SMG9: variants seen among roughly 807,000 people sequenced by gnomAD.
The protein encoded by SMG9 is SMG9 nonsense mediated mRNA decay factor, also known as nonsense-mediated mRNA decay factor SMG9.
In SMG9, 55 loss-of-function variants were observed where a neutral mutation model predicts 64.0. The ratio of observed to expected loss-of-function variants is 0.86; its 90% confidence interval spans 0.69 to 1.08. SMG9 has a LOEUF of 1.08. Ranked by LOEUF, SMG9 falls within the 50% of genes least tolerant of loss-of-function variation. The pLI, the probability that SMG9 is intolerant of heterozygous loss-of-function variation, is 0.00. For missense variants in SMG9, 554 were observed against 681.3 expected (o/e 0.81, Z 2.08); for synonymous variants, 244 against 254.8 (o/e 0.96, Z 0.41).
intron 9 of SMG9, among the ~76,000 whole-genome samples, chr19:43,736,761 C>T (rs1038229814): frequency 4.6e-5 from 7 of 152,140 alleles, no homozygotes; most frequent in African/African-American, 1.7e-4. Context: ...CTACAGTATC[C>T]TATTAAGGAG....
At chr19:43,752,800 G>C (rs1969227790) in intron 1 of SMG9, among the ~76,000 whole-genome samples, 2 of 151,520 alleles carry the variant, frequency 1.3e-5, no homozygotes, top group African/African-American at 4.9e-5. Flanking sequence ...CAGCTACTTG[G>C]GAGGCTGAGG....
chr19:43,746,442 T>C (rs1466958044), intron 5 of SMG9, among the ~76,000 whole-genome samples: 1 of 152,176 alleles, frequency 6.6e-6, no homozygotes, highest in South Asian at 2.1e-4. Flanking sequence ...TTTTCCTTAA[T>C]AGCGCTGAAG....
intron 6 of SMG9, among the ~76,000 whole-genome samples, chr19:43,743,112 T>C (rs530841487): frequency 6.6e-6 from 1 of 151,070 alleles, no homozygotes; most frequent in East Asian, 1.9e-4. Flanking sequence ...AGGCAAAACC[T>C]AGACCTGATG....
At chr19:43,740,835 G>A (rs1205152169) in intron 6 of SMG9, among the ~76,000 whole-genome samples, 1 of 152,214 alleles carries the variant, frequency 6.6e-6, no homozygotes, top group South Asian at 2.1e-4. Context: ...CTGGGTGCTG[G>A]GAATATGAGG....
chr19:43,738,847 T>G (rs1968756307), intron 7 of SMG9, among the ~76,000 whole-genome samples: 1 of 152,264 alleles, frequency 6.6e-6, no homozygotes, highest in Admixed American at 6.5e-5. Flanking sequence ...TTCACAGGTC[T>G]CTGACCCAGA....
At position 43,732,968 on chromosome 19, in the gene SMG9, A is replaced by G. The variant is rs1188168190; in HGVS notation, c.1374T>C (p.Pro458=). 1 of 1,613,636 alleles carries G rather than the reference A, an allele frequency of 6.2e-7. No individual in the cohort carries two copies. The highest frequency in any genetic ancestry group is 1.7e-5 in the Admixed American group (1 of 59,928). The part of the protein sequence containing the change: ...PGSSPLFSLL[P]GYRGHPSFQS... ...GGAAACTGGGGTGGCCACGATACCC[A>G]GGCAGCAGGGAGAAGAGTGGGCTGG... Residue 458 remains proline (P), a synonymous_variant, in exon 13 of 14, where the codon CCT becomes CCC. Transcript: ENST00000270066.
rs370940004 is a variant in SMG9, at chr19:43,740,118, G to A, written c.802C>T (p.Leu268=). ...FFITQERIVF[L]DTQPILSPSI... Reference sequence around the variant, plus strand: ...GGCGGGGCTGGCACCTGTGTGTCCAGGAAAACAATCCGTTCTTGGGTAATA... The same window carrying A: ...GGCGGGGCTGGCACCTGTGTGTCCAAGAAAACAATCCGTTCTTGGGTAATA... The change falls in exon 7 of 14, where the codon CTG becomes TTG. Residue 268 remains leucine (L), a synonymous_variant. Coordinates refer to ENST00000270066, the MANE Select transcript of SMG9 (RefSeq NM_019108.4). The A allele has an allele frequency of 1.2e-5, 19 of 1,613,072 alleles. No homozygotes were observed. Among genetic ancestry groups the A allele is most frequent in the Non-Finnish European group, 1.5e-5 (18 of 1,179,176 alleles).
At chr19:43,733,183 G>T (rs1258094633) in intron 12 of SMG9, 141 bp downstream of exon 12, 1 of 1,369,858 alleles carries the variant, frequency 7.3e-7, no homozygotes, top group Non-Finnish European at 1.0e-6. Flanking sequence ...AACAAACCAG[G>T]ATCTTCTCTC....
chr19:43,749,453 T>C (rs2040971558), intron 2 of SMG9, among the ~76,000 whole-genome samples: 3 of 152,170 alleles, frequency 2.0e-5, no homozygotes, highest in Non-Finnish European at 4.4e-5. Context: ...AGGTGCTTGT[T>C]CAAGGATTAA....
chr19:43,732,966 C>T lies in SMG9; in HGVS notation c.1376G>A (p.Gly459Glu). The T allele has an allele frequency of 1.2e-6, 2 of 1,613,606 alleles. No individual in the cohort carries two copies. Among genetic ancestry groups the T allele is most frequent in the South Asian group, 1.1e-5 (1 of 91,064 alleles). ...CTGGAAACTGGGGTGGCCACGATAC[C>T]CAGGCAGCAGGGAGAAGAGTGGGCT... ...GSSPLFSLLP[G>E]YRGHPSFQSL... is the part of the protein sequence containing the mutation. The change falls in exon 13 of 14, where the codon GGG (glycine) becomes GAG (glutamate). Residue 459 changes from glycine (G) to glutamate (E), a missense_variant. Coordinates refer to ENST00000270066, the MANE Select transcript of SMG9 (RefSeq NM_019108.4).
chr19:43,735,298 T>G (rs192856715), intron 9 of SMG9, among the ~76,000 whole-genome samples: 35 of 152,308 alleles, frequency 2.3e-4, no homozygotes, highest in African/African-American at 8.4e-4. Context: ...TTTCCAAGTT[T>G]TGGCAATTAT....
rs1968717356 is a variant in SMG9 at position 43,737,694 on chromosome 19, C to T, written c.910-12G>A. 1.9e-6 allele frequency: 3 copies of T among 1,613,218 alleles called. No homozygotes were observed. The highest frequency in any genetic ancestry group is 1.3e-5 in the African/African-American group (1 of 74,912). On this transcript the variant is annotated splice_polypyrimidine_tract_variant and intron_variant, in intron 8 of 13. Transcript: ENST00000270066. ...GCAATCTGGAGTGACTGAGGGTGGG[C>T]AGGATGGAAGGGAGGTGAGGACCTC...
intron 2 of SMG9, chr19:43,748,562 T>C (rs1969099332): frequency 4.1e-6 from 2 of 481,942 alleles, no homozygotes. Flanking sequence ...GTGCTCACTA[T>C]GTGAGAGCTG....
Position 43,747,843 on chromosome 19 carries a change from G to A in SMG9, c.280C>T (p.Leu94=). Residue 94 remains leucine (L), a synonymous_variant, in exon 4 of 14, where the codon CTG becomes TTG. Coordinates refer to ENST00000270066, the MANE Select transcript of SMG9 (RefSeq NM_019108.4). ...APAAPPAPAP[L]EKPIVLMKPR... is the part of the protein sequence containing the mutation. ...TTCATGAGAACGATGGGCTTCTCCAGAGGGGCTGGAGCAGGCGGGGCAGCA... is the reference window on the plus strand; with the variant it reads ...TTCATGAGAACGATGGGCTTCTCCAAAGGGGCTGGAGCAGGCGGGGCAGCA... 6.2e-7 allele frequency: 1 copy of A among 1,606,936 alleles called. No individual in the cohort carries two copies. Among genetic ancestry groups the A allele is most frequent in the Non-Finnish European group, 8.5e-7 (1 of 1,176,282 alleles).
At chr19:43,753,364 A>C (rs1484541066) in intron 1 of SMG9, among the ~76,000 whole-genome samples, 2 of 152,076 alleles carry the variant, frequency 1.3e-5, no homozygotes, top group African/African-American at 2.4e-5. Flanking sequence ...TTCATGCCTC[A>C]ATTGGGATAC....
At chr19:43,736,413 C>A (rs988857941) in intron 9 of SMG9, among the ~76,000 whole-genome samples, 53 of 151,940 alleles carry the variant, frequency 3.5e-4, no homozygotes, top group Admixed American at 2.2e-3. Context: ...GCTGTTCCCC[C>A]CAACACCTCC....
chr19:43,731,586 C>T lies in SMG9; in HGVS notation c.*10G>A. On this transcript the variant is annotated 3_prime_UTR_variant, in exon 14 of 14. Coordinates refer to ENST00000270066, the MANE Select transcript of SMG9 (RefSeq NM_019108.4). Reference sequence around the variant, plus strand: ...AGGAGGTCCCCTGCATGACATTCCTCTCCTTGGCCTCAGGCCAGCAGGCGG... The same window carrying T: ...AGGAGGTCCCCTGCATGACATTCCTTTCCTTGGCCTCAGGCCAGCAGGCGG... 6.2e-7 allele frequency: 1 copy of T among 1,614,216 alleles called. No homozygotes were observed. The highest frequency in any genetic ancestry group is 8.5e-7 in the Non-Finnish European group (1 of 1,180,042).
In SMG9 at chr19:43,750,589, C is replaced by T. The variant is rs201312826; in HGVS notation, c.150+3G>A. On this transcript the variant is annotated splice_donor_region_variant and intron_variant, in intron 2 of 13. Coordinates refer to ENST00000270066, the MANE Select transcript of SMG9 (RefSeq NM_019108.4). The stretch of plus-strand genomic sequence containing the variant: ...AATGCTGCTCCTGGGTCCAGACACT[C>T]ACCCTTCTCTCTCTTTCCCATGGTG... 203 of 1,608,598 alleles carry T rather than the reference C, an allele frequency of 1.3e-4. No individual in the cohort carries two copies. Among genetic ancestry groups the T allele is most frequent in the Middle Eastern group, 1.7e-4 (1 of 6,032 alleles).
rs1248674617 is a variant in SMG9 at position 43,731,650 on chromosome 19, C to T, written c.1509G>A (p.Trp503Ter). The T allele has an allele frequency of 6.2e-7, 1 of 1,614,262 alleles. No individual in the cohort carries two copies. Among genetic ancestry groups the T allele is most frequent in the South Asian group, 1.1e-5 (1 of 91,088 alleles). ...KNWFHYAARI[W>*]DGVRKSSALA... Reference sequence around the variant, plus strand: ...GAGCAGAGGACTTTCTCACCCCATCCCAGATCCGGGCAGCGTAGTGGAACC... The same window carrying T: ...GAGCAGAGGACTTTCTCACCCCATCTCAGATCCGGGCAGCGTAGTGGAACC... Residue 503 changes from tryptophan (W) to a stop codon, truncating the protein, a stop_gained, in exon 14 of 14, where the codon TGG becomes TGA. Transcript: ENST00000270066. LOFTEE classifies it high-confidence loss of function.
Sources: allele counts gnomAD v4.1 joint callset (sites outside exome capture counted in the v4.1 genomes callset), GRCh38; gene constraint gnomAD v4.1.1; transcripts MANE v1.5; gene names NCBI Gene and HGNC (gene_info 2026-07-23, HGNC 2026-07-21).